The following NRXN3 variants were observed in gnomAD, a reference collection of about 807,000 sequenced individuals.
NRXN3 encodes neurexin 3.
Under a neutral mutation model 137.6 loss-of-function variants are expected in NRXN3, and 32 were observed. The observed-to-expected ratio is 0.23, with a 90% confidence interval of 0.18 to 0.31. The LOEUF (loss-of-function observed/expected upper bound fraction) is 0.31. NRXN3 is among the 10% of genes least tolerant of loss of function. The pLI is 1.00. For missense variants in NRXN3, 1,574 were observed against 2,062.5 expected (o/e 0.76, Z 4.59); for synonymous variants, 798 against 784.5 (o/e 1.02, Z -0.29).
intron 4 of NRXN3, among the ~76,000 whole-genome samples, chr14:78,379,570 A>G (rs1450939880): frequency 6.6e-6 from 1 of 152,244 alleles, no homozygotes; most frequent in Non-Finnish European, 1.5e-5. Context: ...CTTCTTTATG[A>G]TAAAAACTCT....
At chr14:79,767,925 C>T (rs541646242) in intron 19 of NRXN3, among the ~76,000 whole-genome samples, 127 of 152,260 alleles carry the variant, frequency 8.3e-4, no homozygotes, top group African/African-American at 2.8e-3. Context: ...GCACCGTGCG[C>T]GAGCCAAAGC....
chr14:78,571,594 G>A (rs1237810449), intron 4 of NRXN3, among the ~76,000 whole-genome samples: 1 of 152,134 alleles, frequency 6.6e-6, no homozygotes, highest in African/African-American at 2.4e-5. Context: ...GCCCTTACTA[G>A]GTGTCAGACA....
intron 15 of NRXN3, among the ~76,000 whole-genome samples, chr14:79,364,150 A>G (rs1048277469): frequency 1.3e-5 from 2 of 152,094 alleles, no homozygotes; most frequent in East Asian, 3.9e-4. Context: ...TGTTGCTTCA[A>G]TTCACTCCAT....
At chr14:79,018,014 C>A (rs1316747387) in intron 15 of NRXN3, among the ~76,000 whole-genome samples, 1 of 151,868 alleles carries the variant, frequency 6.6e-6, no homozygotes, top group Admixed American at 6.6e-5. Flanking sequence ...AATCCTCGCA[C>A]TTTGGGAGGC....
At chr14:79,024,763 A>G (rs1345818138) in intron 15 of NRXN3, among the ~76,000 whole-genome samples, 1 of 152,170 alleles carries the variant, frequency 6.6e-6, no homozygotes, top group East Asian at 1.9e-4. Flanking sequence ...TCAGTGTTCA[A>G]AATCCCAAAA....
At chr14:79,182,224 A>G (rs2063004818) in intron 15 of NRXN3, among the ~76,000 whole-genome samples, 1 of 152,068 alleles carries the variant, frequency 6.6e-6, no homozygotes, top group African/African-American at 2.4e-5. Context: ...TTCACCGAAG[A>G]TAATTTTTCC....
In NRXN3 at chr14:79,235,106, G is replaced by A. The variant is rs1281973881; in HGVS notation, c.3263-232115G>A. Among the ~76,000 whole-genome samples, 8 of 152,032 alleles carry A rather than the reference G, an allele frequency of 5.3e-5. 1 individual carries two copies. The highest frequency in any genetic ancestry group is 5.2e-4 in the Admixed American group (8 of 15,252). On this transcript the variant is annotated intron_variant, in intron 15 of 20. Coordinates refer to ENST00000335750, the MANE Select transcript of NRXN3 (RefSeq NM_001330195.2). Reference sequence around the variant, plus strand: ...ATTCCCCCTTATCCCTTGTCTGCCAGTTCTGTTAGTCTTCTCTTCAGTATT... The same window carrying A: ...ATTCCCCCTTATCCCTTGTCTGCCAATTCTGTTAGTCTTCTCTTCAGTATT...
chr14:78,337,897 A>T lies in NRXN3; in HGVS notation c.757+40037A>T, dbSNP rs116801149. On this transcript the variant is annotated intron_variant, in intron 4 of 20. Coordinates refer to ENST00000335750, the MANE Select transcript of NRXN3 (RefSeq NM_001330195.2). Reference sequence around the variant, plus strand: ...ATATAGTTGGGTGGACTCACAGTCAAAAAGTCTAAGATCCTGAGGGTCATG... The same window carrying T: ...ATATAGTTGGGTGGACTCACAGTCATAAAGTCTAAGATCCTGAGGGTCATG... 5.0e-3 allele frequency among the ~76,000 whole-genome samples: 755 copies of T among 152,258 alleles called. 4 individuals are homozygous for T. Among genetic ancestry groups the T allele is most frequent in the African/African-American group, 0.017 (724 of 41,560 alleles).
chr14:79,509,031 C>T (rs1436096719), intron 16 of NRXN3, among the ~76,000 whole-genome samples: 2 of 151,694 alleles, frequency 1.3e-5, no homozygotes, highest in Non-Finnish European at 2.9e-5. Context: ...CCCGTCTCTA[C>T]TAAAAATACA....
chr14:79,362,955 A>C (rs772734460), intron 15 of NRXN3, among the ~76,000 whole-genome samples: 5 of 152,174 alleles, frequency 3.3e-5, no homozygotes, highest in African/African-American at 1.2e-4. Context: ...TTGCAGATGC[A>C]TGTGATAGAT....
chr14:79,594,410 GAAAA>G (rs900163363), intron 16 of NRXN3, among the ~76,000 whole-genome samples: 3 of 151,758 alleles, frequency 2.0e-5, no homozygotes, highest in African/African-American at 7.3e-5. Context: ...TGGGGACAGA[GAAAA>G]AAAGGTGATG....
At chr14:79,530,605 T>TTC (rs2097161151) in intron 16 of NRXN3, among the ~76,000 whole-genome samples, 2 of 151,332 alleles carry the variant, frequency 1.3e-5, no homozygotes, top group African/African-American at 2.4e-5. Context: ...TTTTTTTTTT[T>TTC]CCTTTTTCTT....
chr14:78,455,794 CA>C (rs1170743931), intron 4 of NRXN3, among the ~76,000 whole-genome samples: 1 of 152,166 alleles, frequency 6.6e-6, no homozygotes, highest in Non-Finnish European at 1.5e-5. Context: ...GGGCATTACT[CA>C]CCCTCTTTTG....
At chr14:78,945,580 G>A (rs2099363549) in intron 10 of NRXN3, among the ~76,000 whole-genome samples, 1 of 152,256 alleles carries the variant, frequency 6.6e-6, no homozygotes, top group African/African-American at 2.4e-5. Context: ...CCCAGGTTTA[G>A]TTCCAGCAAT....
chr14:79,081,489 C>T (rs4903826), intron 15 of NRXN3, among the ~76,000 whole-genome samples: 139,757 of 152,036 alleles, frequency 0.92, 65,125 homozygotes, highest in Non-Finnish European at 0.99. Context: ...TGGCATGCAC[C>T]TGTAGTATCA....
At chr14:78,714,724 A>C (rs943803021) in intron 7 of NRXN3, 32 bp from the exon 8 acceptor site, 34 of 1,600,298 alleles carry the variant, frequency 2.1e-5, no homozygotes, top group Non-Finnish European at 2.9e-5. Context: ...AGCAACTGGC[A>C]GACTCACCTG....
chr14:79,731,835 A>G (rs930527895), intron 19 of NRXN3, among the ~76,000 whole-genome samples: 1 of 149,346 alleles, frequency 6.7e-6, no homozygotes, highest in African/African-American at 2.5e-5. Context: ...TTTTTTTTTT[A>G]ATTTTTTTTT....
intron 15 of NRXN3, among the ~76,000 whole-genome samples, chr14:79,084,291 T>C (rs2152772401): frequency 6.6e-6 from 1 of 152,282 alleles, no homozygotes; most frequent in South Asian, 2.1e-4. Context: ...TCTATACATG[T>C]GTTAAAATTC....
At chr14:79,370,153 A>G (rs1438795672) in intron 15 of NRXN3, among the ~76,000 whole-genome samples, 3 of 152,210 alleles carry the variant, frequency 2.0e-5, no homozygotes, top group African/African-American at 4.8e-5. Flanking sequence ...AAGGAAGAAC[A>G]GCCCCAATTT....
Sources: allele counts gnomAD v4.1 joint callset (sites outside exome capture counted in the v4.1 genomes callset), GRCh38; gene constraint gnomAD v4.1.1; transcripts MANE v1.5; gene names NCBI Gene and HGNC (gene_info 2026-07-23, HGNC 2026-07-21).